Variants in IL1RAPL2 observed in about 807,000 individuals in gnomAD.
IL1RAPL2 encodes X-linked interleukin-1 receptor accessory protein-like 2.
A neutral mutation model predicts 44.1 loss-of-function variants in IL1RAPL2; 3 were observed. The observed-to-expected ratio is 0.07, with a 90% CI of 0.03 to 0.18. The LOEUF is 0.18. IL1RAPL2 is among the 10% of genes least tolerant of loss of function. The probability of loss-of-function intolerance (pLI) is 1.00; values close to 1 mark genes in which losing one functional copy is unlikely to be tolerated. For synonymous variants in IL1RAPL2, 181 were observed against 178.8 expected (o/e 1.01, Z -0.10); for missense variants, 391 against 496.4 (o/e 0.79, Z 2.02).
intron 5 of IL1RAPL2, among the ~76,000 whole-genome samples, chrX:105,309,593 G>A (rs892852895): frequency 4.6e-5 from 5 of 108,614 alleles, no homozygotes; most frequent in East Asian, 3.0e-4. Context: ...TTAGTTGGGC[G>A]TGGTGGCACA....
chrX:105,642,785 G>A (rs1433682575), intron 6 of IL1RAPL2, among the ~76,000 whole-genome samples: 1 of 112,246 alleles, frequency 8.9e-6, no homozygotes, highest in Non-Finnish European at 1.9e-5. Flanking sequence ...CCAGAGAGAT[G>A]ACAGGACTGA....
chrX:104,677,319 C>T (rs7885013), intron 2 of IL1RAPL2, among the ~76,000 whole-genome samples: 2 of 108,429 alleles, frequency 1.8e-5, no homozygotes, highest in African/African-American at 3.3e-5. Context: ...TCTAACAGAC[C>T]GGACCCTCAG....
chrX:105,219,071 G>A (rs782414664), intron 3 of IL1RAPL2: 13 of 1,208,577 alleles, frequency 1.1e-5, no homozygotes, highest in Admixed American at 2.2e-5. Flanking sequence ...CCTGGCCTGC[G>A]ATATACTGGA....
chrX:104,828,382 C>G (rs1236550766), intron 2 of IL1RAPL2, among the ~76,000 whole-genome samples: 3 of 112,110 alleles, frequency 2.7e-5, no homozygotes, highest in African/African-American at 9.7e-5. Flanking sequence ...AACAGTTAGG[C>G]TCCTCTTCTG....
At chrX:105,402,957 A>C (rs2035616474) in intron 5 of IL1RAPL2, among the ~76,000 whole-genome samples, 1 of 111,732 alleles carries the variant, frequency 8.9e-6, no homozygotes, top group Admixed American at 9.5e-5. Context: ...TACCTGTTCT[A>C]CTCTAAGCTT....
intron 6 of IL1RAPL2, among the ~76,000 whole-genome samples, chrX:105,635,444 C>T (rs1216523062): frequency 9.0e-6 from 1 of 111,364 alleles, no homozygotes; most frequent in Admixed American, 9.6e-5. Context: ...GTGGGTGCCA[C>T]GGAAGGTCAG....
intron 2 of IL1RAPL2, among the ~76,000 whole-genome samples, chrX:105,115,494 TC>T (rs2032846189): frequency 8.9e-6 from 1 of 111,742 alleles, no homozygotes; most frequent in Non-Finnish European, 1.9e-5. Context: ...GTTCTCCATC[TC>T]CCCACTAGAT....
intron 1 of IL1RAPL2, among the ~76,000 whole-genome samples, chrX:104,640,930 T>C (rs1189390037): frequency 8.0e-5 from 9 of 112,313 alleles, no homozygotes; most frequent in Non-Finnish European, 1.7e-4. Context: ...TGGCTGTGTA[T>C]GCTGGCATCT....
At chrX:105,406,804 C>T in intron 5 of IL1RAPL2, 1 of 1,162,779 alleles carries the variant, frequency 8.6e-7, no homozygotes, top group East Asian at 3.0e-5. Flanking sequence ...AGGTGCTAAT[C>T]TGAAAGGTGT....
intron 1 of IL1RAPL2, among the ~76,000 whole-genome samples, chrX:104,609,206 T>C (rs1929089143): frequency 8.9e-6 from 1 of 112,481 alleles, no homozygotes; most frequent in South Asian, 3.7e-4. Context: ...TTGCAGGGTT[T>C]CTGCAGAGTG....
At chrX:105,263,169 G>A (rs2034373907) in intron 4 of IL1RAPL2, among the ~76,000 whole-genome samples, 1 of 110,954 alleles carries the variant, frequency 9.0e-6, no homozygotes, top group South Asian at 3.8e-4. Flanking sequence ...ACAGGCATGA[G>A]TCACTGCGCC....
chrX:105,435,327 CA>C, intron 5 of IL1RAPL2, among the ~76,000 whole-genome samples: 1 of 111,745 alleles, frequency 8.9e-6, no homozygotes, highest in Non-Finnish European at 1.9e-5. Context: ...AAATGCAAAT[CA>C]AAACCACAAT....
At chrX:105,043,782 A>G (rs1390446656) in intron 2 of IL1RAPL2, among the ~76,000 whole-genome samples, 1 of 110,771 alleles carries the variant, frequency 9.0e-6, no homozygotes, top group Non-Finnish European at 1.9e-5. Context: ...TCATAAACTG[A>G]CCAATGAATA....
chrX:105,315,754 G>A (rs2034836028), intron 5 of IL1RAPL2, among the ~76,000 whole-genome samples: 1 of 102,557 alleles, frequency 9.8e-6, no homozygotes, highest in Admixed American at 1.1e-4. Flanking sequence ...AGAGAAAGAT[G>A]TAGGCTGGGA....
intron 2 of IL1RAPL2, among the ~76,000 whole-genome samples, chrX:104,999,877 T>C (rs1373387077): frequency 8.9e-6 from 1 of 111,751 alleles, no homozygotes; most frequent in Admixed American, 9.5e-5. Flanking sequence ...ATTTTATTCC[T>C]GGTGTTTCCA....
intron 2 of IL1RAPL2, chrX:104,804,174 G>T (rs1401602516): frequency 8.9e-6 from 1 of 112,198 alleles, no homozygotes; most frequent in Non-Finnish European, 1.9e-5. Context: ...AACTCATGCA[G>T]TGGCACCCAC....
intron 2 of IL1RAPL2, among the ~76,000 whole-genome samples, chrX:104,776,720 T>G (rs1212806191): frequency 8.9e-6 from 1 of 112,139 alleles, no homozygotes; most frequent in African/African-American, 3.2e-5. Flanking sequence ...TGTTTTACAA[T>G]AGTTTTAGAT....
chrX:104,810,793 T>A (rs1346836097), intron 2 of IL1RAPL2, among the ~76,000 whole-genome samples: 1 of 111,947 alleles, frequency 8.9e-6, no homozygotes, highest in Non-Finnish European at 1.9e-5. Flanking sequence ...GGGTTTCTGA[T>A]GAGAAATTGG....
chrX:104,668,130 T>C (rs1930518411), intron 2 of IL1RAPL2, among the ~76,000 whole-genome samples: 1 of 110,823 alleles, frequency 9.0e-6, no homozygotes, highest in South Asian at 3.8e-4. Flanking sequence ...TTCAGGTAGT[T>C]AGGAAACATA....
Sources: allele counts gnomAD v4.1 joint callset (sites outside exome capture counted in the v4.1 genomes callset), GRCh38; gene constraint gnomAD v4.1.1; transcripts MANE v1.5; gene names NCBI Gene and HGNC (gene_info 2026-07-23, HGNC 2026-07-21).